The following KIAA1671 variants were observed in gnomAD, a reference collection of about 807,000 sequenced individuals.
KIAA1671 encodes KIAA1671, also known as uncharacterized protein KIAA1671.
Under a neutral mutation model 131.2 loss-of-function variants are expected in KIAA1671, and 52 were observed. The ratio of observed to expected loss-of-function variants is 0.40; its 90% confidence interval spans 0.32 to 0.50. The LOEUF (loss-of-function observed/expected upper bound fraction) is 0.50, where lower values mean the gene tolerates loss of function less well. KIAA1671 is among the 20% of genes least tolerant of loss of function. The probability of loss-of-function intolerance (pLI) is 0.73; values close to 1 mark genes in which losing one functional copy is unlikely to be tolerated. For synonymous variants in KIAA1671, 1,003 were observed against 961.6 expected (o/e 1.04, Z -0.80); for missense variants, 2,360 against 2,364.2 (o/e 1.00, Z 0.04).
intron 1 of KIAA1671, among the ~76,000 whole-genome samples, chr22:24,972,447 C>A (rs1307319891): frequency 6.6e-6 from 1 of 152,178 alleles, no homozygotes; most frequent in Non-Finnish European, 1.5e-5. Context: ...CATTCATCCA[C>A]TCATGCATGC....
chr22:25,055,703 G>A (rs1272409637), intron 6 of KIAA1671: 4 of 149,828 alleles, frequency 2.7e-5, no homozygotes, highest in East Asian at 3.9e-4. Flanking sequence ...AGAAATGTCC[G>A]TTCAAGTCCT....
At chr22:25,190,909 A>G in intron 12 of KIAA1671, 125 bp downstream of exon 12, 1 of 647,160 alleles carries the variant, frequency 1.5e-6, no homozygotes. Flanking sequence ...TGTAAGGGGA[A>G]GAATGAGGGG....
chr22:25,176,533 CTGTT>C (rs1934033946), intron 8 of KIAA1671: 1 of 152,252 alleles, frequency 6.6e-6, no homozygotes. Context: ...AGGAGGCACT[CTGTT>C]TATCTCCTTT....
intron 9 of KIAA1671, among the ~76,000 whole-genome samples, chr22:25,180,968 C>T (rs577471035): frequency 3.3e-5 from 5 of 152,278 alleles, no homozygotes; most frequent in South Asian, 2.1e-4. Context: ...CTGGAGGAGC[C>T]GGCCAGGGGC....
intron 3 of KIAA1671, among the ~76,000 whole-genome samples, chr22:25,031,624 C>T (rs965440292): frequency 5.9e-5 from 9 of 152,188 alleles, no homozygotes; most frequent in African/African-American, 2.2e-4. Context: ...GCCACGGCAC[C>T]CGGCCTGTAT....
At position 25,093,838 on chromosome 22, in the gene KIAA1671, GTCTCTCTCTCTC is replaced by G. The variant is rs56200570; in HGVS notation, c.4530+44511_4530+44522del. Among the ~76,000 whole-genome samples the G allele has an allele frequency of 1.2e-3, 23 of 19,642 alleles. 2 individuals carry two copies. The highest frequency in any genetic ancestry group is 3.6e-3 in the South Asian group (2 of 552). 12.9% of individuals were successfully genotyped at this position (19,642 alleles called of 152,430 possible). On this transcript the variant is annotated intron_variant, in intron 6 of 12. Transcript: ENST00000358431. The stretch of plus-strand genomic sequence containing the variant: ...TCTCTCTCTCTTTCTCTCTCTGTCT[GTCTCTCTCTCTC>G]TCTCTCTCTCTCTCTCTCTCTCTCT...
intron 1 of KIAA1671, among the ~76,000 whole-genome samples, chr22:25,001,458 T>C (rs1602057768): frequency 6.6e-6 from 1 of 152,138 alleles, no homozygotes; most frequent in East Asian, 1.9e-4. Flanking sequence ...ATGAAATGTT[T>C]ACAGTGGCAT....
intron 6 of KIAA1671, among the ~76,000 whole-genome samples, chr22:25,126,207 C>A (rs1333447323): frequency 6.6e-6 from 1 of 152,178 alleles, no homozygotes; most frequent in African/African-American, 2.4e-5. Flanking sequence ...TGCTTTCTGC[C>A]AAAGCCAGAA....
At chr22:24,976,106 C>T (rs1922896930) in intron 1 of KIAA1671, among the ~76,000 whole-genome samples, 1 of 152,190 alleles carries the variant, frequency 6.6e-6, no homozygotes, top group Non-Finnish European at 1.5e-5. Context: ...ACTCCCCACC[C>T]GTAGCCAGCG....
At chr22:25,093,053 G>T (rs1042907849) in intron 6 of KIAA1671, among the ~76,000 whole-genome samples, 2 of 152,198 alleles carry the variant, frequency 1.3e-5, no homozygotes, top group Non-Finnish European at 2.9e-5. Context: ...ACAGGTTCCT[G>T]GGTTTAAGTC....
At chr22:25,060,691 G>T (rs116024433) in intron 6 of KIAA1671, 2 of 152,212 alleles carry the variant, frequency 1.3e-5, no homozygotes, top group African/African-American at 4.8e-5. Context: ...TAGCACAGGT[G>T]GGGGCTCAAT....
Position 25,079,598 on chromosome 22 carries a change from T to C in KIAA1671, c.4530+30234T>C, listed in dbSNP as rs57008364. 2.5e-3 allele frequency among the ~76,000 whole-genome samples: 376 copies of C among 151,980 alleles called. 1 individual carries two copies. Among genetic ancestry groups the C allele is most frequent in the African/African-American group, 8.5e-3 (354 of 41,416 alleles). ...CAGGGAGAGCATAGGCCAGGGGAGCTTGGGGGGAAACAGGAATAGTCAGTG... is the reference window on the plus strand; with the variant it reads ...CAGGGAGAGCATAGGCCAGGGGAGCCTGGGGGGAAACAGGAATAGTCAGTG... On this transcript the variant is annotated intron_variant, in intron 6 of 12. Transcript: ENST00000358431.
At chr22:25,093,091 G>A (rs954891286) in intron 6 of KIAA1671, among the ~76,000 whole-genome samples, 6 of 152,190 alleles carry the variant, frequency 3.9e-5, no homozygotes, top group Admixed American at 3.9e-4. Context: ...TGTTCATTGA[G>A]CACTTACTGT....
intron 6 of KIAA1671, among the ~76,000 whole-genome samples, chr22:25,072,205 G>T (rs1254780241): frequency 6.6e-6 from 1 of 152,170 alleles, no homozygotes; most frequent in Non-Finnish European, 1.5e-5. Flanking sequence ...GCCAGTAGAG[G>T]CTGGGCAGTA....
chr22:24,989,535 G>A (rs1423849362), intron 1 of KIAA1671, among the ~76,000 whole-genome samples: 1 of 152,176 alleles, frequency 6.6e-6, no homozygotes, highest in East Asian at 1.9e-4. Flanking sequence ...AGCTAGGGCT[G>A]CATGGTCTCT....
intron 6 of KIAA1671, among the ~76,000 whole-genome samples, chr22:25,097,509 G>A (rs535564264): frequency 3.3e-4 from 51 of 152,310 alleles, no homozygotes; most frequent in African/African-American, 1.2e-3. Context: ...GGGAGGCTGA[G>A]GCAGATGGAT....
chr22:25,167,559 A>G (rs1933686743), intron 6 of KIAA1671, among the ~76,000 whole-genome samples: 1 of 152,214 alleles, frequency 6.6e-6, no homozygotes, highest in Non-Finnish European at 1.5e-5. Flanking sequence ...ACTATGAGAG[A>G]ATACTGTCTT....
chr22:25,088,359 G>C (rs1397369133), intron 6 of KIAA1671, among the ~76,000 whole-genome samples: 1 of 152,084 alleles, frequency 6.6e-6, no homozygotes. Context: ...CACTGGCCTT[G>C]GCCTCCCAAA....
intron 6 of KIAA1671, among the ~76,000 whole-genome samples, chr22:25,074,573 G>A (rs1201300212): frequency 6.8e-6 from 1 of 147,150 alleles, no homozygotes; most frequent in East Asian, 2.0e-4. Context: ...ATGTATATAT[G>A]CATATGTGTG....
Sources: allele counts gnomAD v4.1 joint callset (sites outside exome capture counted in the v4.1 genomes callset), GRCh38; gene constraint gnomAD v4.1.1; transcripts MANE v1.5; gene names NCBI Gene and HGNC (gene_info 2026-07-23, HGNC 2026-07-21).